Variants in EPHA3 observed in about 807,000 individuals in gnomAD.
EPHA3 encodes the protein ephrin type-A receptor 3.
A neutral mutation model predicts 107.1 loss-of-function variants in EPHA3; 42 were observed. That is an observed-to-expected ratio of 0.39 (90% CI 0.31 to 0.51). The LOEUF (loss-of-function observed/expected upper bound fraction) is 0.51. Ranked by LOEUF, EPHA3 falls within the 20% of genes least tolerant of loss-of-function variation. The pLI is 0.78. For missense variants in EPHA3, 1,183 were observed against 1,211.2 expected (o/e 0.98, Z 0.35); for synonymous variants, 461 against 424.8 (o/e 1.09, Z -1.05).
chr3:89,455,395 G>A (rs1230196331), intron 15 of EPHA3, among the ~76,000 whole-genome samples: 1 of 152,210 alleles, frequency 6.6e-6, no homozygotes, highest in Non-Finnish European at 1.5e-5. Flanking sequence ...AGAGTTCTAG[G>A]AAGTGGCAGA....
intron 2 of EPHA3, among the ~76,000 whole-genome samples, chr3:89,186,656 T>C (rs1054698356): frequency 3.3e-5 from 5 of 152,138 alleles, no homozygotes; most frequent in Non-Finnish European, 4.4e-5. Flanking sequence ...ATTTGAGACC[T>C]GGACAAGTGC....
chr3:89,249,476 T>A (rs1245809922), intron 3 of EPHA3, among the ~76,000 whole-genome samples: 1 of 152,156 alleles, frequency 6.6e-6, no homozygotes, highest in Non-Finnish European at 1.5e-5. Context: ...TAGTAGTGAT[T>A]TTGAGACAGG....
intron 3 of EPHA3, among the ~76,000 whole-genome samples, chr3:89,313,948 T>G (rs1361580459): frequency 2.0e-5 from 3 of 151,918 alleles, no homozygotes; most frequent in African/African-American, 7.2e-5. Context: ...AAAATTTGAT[T>G]TTTTTAGTGG....
chr3:89,309,032 T>G (rs1706700256), intron 3 of EPHA3, among the ~76,000 whole-genome samples: 1 of 152,100 alleles, frequency 6.6e-6, no homozygotes, highest in Non-Finnish European at 1.5e-5. Context: ...GAGTGGTGTC[T>G]TAGAAGCCAG....
intron 15 of EPHA3, among the ~76,000 whole-genome samples, chr3:89,457,540 A>G (rs2107562524): frequency 6.6e-6 from 1 of 152,332 alleles, no homozygotes; most frequent in East Asian, 1.9e-4. Flanking sequence ...TACTGAAACC[A>G]TCCCCCACCA....
At chr3:89,244,730 G>A (rs931982122) in intron 3 of EPHA3, among the ~76,000 whole-genome samples, 1 of 152,164 alleles carries the variant, frequency 6.6e-6, no homozygotes, top group African/African-American at 2.4e-5. Flanking sequence ...ATGTGGATAT[G>A]CAGCTTTATC....
At position 89,369,286 on chromosome 3, in the gene EPHA3, T is replaced by C. The variant is rs1170587743; in HGVS notation, c.1307-26551T>C. 4.6e-5 allele frequency among the ~76,000 whole-genome samples: 7 copies of C among 150,888 alleles called. 1 individual carries two copies. The Admixed American group carries it at 4.6e-4, about 10-fold the overall frequency. ...TATAGTAACCAAAACAGCATGGTACTGGTACCAAAACAGAGATATAGATCA... is the reference window on the plus strand; with the variant it reads ...TATAGTAACCAAAACAGCATGGTACCGGTACCAAAACAGAGATATAGATCA... On this transcript the variant is annotated intron_variant, in intron 5 of 16. Coordinates refer to ENST00000336596, the MANE Select transcript of EPHA3 (RefSeq NM_005233.6).
intron 3 of EPHA3, among the ~76,000 whole-genome samples, chr3:89,311,177 C>T (rs75029719): frequency 0.046 from 7,009 of 151,940 alleles, 516 homozygotes; most frequent in African/African-American, 0.16. Flanking sequence ...TATGATGCCC[C>T]TCCCTATGTT....
chr3:89,220,818 T>C (rs1576241833), intron 3 of EPHA3, among the ~76,000 whole-genome samples: 1 of 152,364 alleles, frequency 6.6e-6, no homozygotes, highest in East Asian at 1.9e-4. Flanking sequence ...TGCTTTAGTT[T>C]TAGTACTGGT....
chr3:89,170,900 T>C (rs931848828), intron 2 of EPHA3, among the ~76,000 whole-genome samples: 24 of 152,016 alleles, frequency 1.6e-4, no homozygotes, highest in African/African-American at 5.3e-4. Flanking sequence ...AAATAGAAGA[T>C]GTTTACAGCA....
intron 8 of EPHA3, 24 bp downstream of exon 8, chr3:89,407,395 A>C (rs377167270): frequency 1.3e-6 from 2 of 1,579,158 alleles, no homozygotes; most frequent in Non-Finnish European, 1.7e-6. Flanking sequence ...CTGTTTCACT[A>C]TTCACTTTCT....
chr3:89,345,649 G>T (rs1707631144), intron 5 of EPHA3, among the ~76,000 whole-genome samples: 1 of 144,448 alleles, frequency 6.9e-6, no homozygotes, highest in African/African-American at 2.5e-5. Flanking sequence ...AAGTTTTAGG[G>T]TACATGTGCA....
chr3:89,122,698 A>C (rs1259709322), intron 1 of EPHA3, among the ~76,000 whole-genome samples: 1 of 152,220 alleles, frequency 6.6e-6, no homozygotes, highest in Non-Finnish European at 1.5e-5. Flanking sequence ...TGTCCTTTAA[A>C]AATCTTTATG....
rs530986653 is a variant in EPHA3, at chr3:89,333,828, C to T, written c.815-7088C>T. Among the ~76,000 whole-genome samples the T allele has an allele frequency of 9.2e-5, 14 of 151,912 alleles. No homozygotes were observed. In the East Asian group the frequency reaches 9.7e-4, roughly 11 times the overall value. On this transcript the variant is annotated intron_variant, in intron 3 of 16. Transcript: ENST00000336596. ...CAGAGCTTGCAGCAAGCCAAGATCA[C>T]GCTGCTAATTCCAGCCTGGGTTACA...
intron 2 of EPHA3, among the ~76,000 whole-genome samples, chr3:89,166,544 A>G (rs76405456): frequency 0.014 from 2,071 of 152,304 alleles, 56 homozygotes; most frequent in African/African-American, 0.048. Context: ...GTATAAAAAC[A>G]ACACCAACCA....
At chr3:89,343,952 A>G (rs1234565700) in intron 5 of EPHA3, among the ~76,000 whole-genome samples, 1 of 152,194 alleles carries the variant, frequency 6.6e-6, no homozygotes, top group African/African-American at 2.4e-5. Context: ...GGAAAAAATG[A>G]GTACTGCAAT....
At chr3:89,419,458 A>G (rs774668129) in intron 11 of EPHA3, 68 bp downstream of exon 11, 39 of 1,390,954 alleles carry the variant, frequency 2.8e-5, no homozygotes, top group Non-Finnish European at 3.6e-5. Flanking sequence ...CCCAACCCCA[A>G]CCATTTAAGA....
intron 2 of EPHA3, among the ~76,000 whole-genome samples, chr3:89,184,332 A>T (rs1272307723): frequency 6.6e-6 from 1 of 151,986 alleles, no homozygotes. Flanking sequence ...TATCCTTAGT[A>T]GGTTCCAAGT....
Position 89,479,798 on chromosome 3 carries a change from T to C in EPHA3, c.*296T>C, listed in dbSNP as rs3762717. ...AGAACTAGCATATAGCCATTGATCA[T>C]AAACTGACTATCATAAAATCAAAAC... On this transcript the variant is annotated 3_prime_UTR_variant, in exon 17 of 17. Transcript: ENST00000336596. The C allele has an allele frequency of 0.2, 58,885 of 287,562 alleles. 7,066 individuals are homozygous for C. The highest frequency in any genetic ancestry group is 0.25 in the Non-Finnish European group (38,836 of 152,952). 17.8% of individuals were successfully genotyped at this position (287,562 alleles called of 1,614,324 possible). A position where few individuals can be genotyped will look rare whatever the true frequency, so the allele number is the denominator to read the frequency against.
Sources: allele counts gnomAD v4.1 joint callset (sites outside exome capture counted in the v4.1 genomes callset), GRCh38; gene constraint gnomAD v4.1.1; transcripts MANE v1.5; gene names NCBI Gene and HGNC (gene_info 2026-07-23, HGNC 2026-07-21).